MS4A6A: variants seen among roughly 807,000 people sequenced by gnomAD.
The protein encoded by MS4A6A is membrane-spanning 4-domains subfamily A member 6A.
In MS4A6A, 19 loss-of-function variants were observed where a neutral mutation model predicts 20.6. The ratio of observed to expected loss-of-function variants is 0.92; its 90% CI spans 0.64 to 1.36. The LOEUF (loss-of-function observed/expected upper bound fraction) is 1.36, where lower values mean the gene tolerates loss of function less well. Ranked by LOEUF, MS4A6A falls within the 40% of genes most tolerant of loss-of-function variation. The probability of loss-of-function intolerance (pLI) is 0.00; values close to 1 mark genes in which losing one functional copy is unlikely to be tolerated. For missense variants in MS4A6A, 272 were observed against 261.1 expected (o/e 1.04, Z -0.29); for synonymous variants, 108 against 105.0 (o/e 1.03, Z -0.17).
rs916371807 is a variant in MS4A6A at position 60,172,628 on chromosome 11, T to C, written c.*373A>G. The C allele has an allele frequency of 1.4e-5, 16 of 1,136,094 alleles. No individual in the cohort carries two copies. The highest frequency in any genetic ancestry group is 3.2e-5 in the African/African-American group (2 of 62,978). 70.4% of individuals were successfully genotyped at this position (1,136,094 alleles called of 1,614,324 possible). A position where few individuals can be genotyped will look rare whatever the true frequency, so the allele number is the denominator to read the frequency against. ...GTGTAAATGCCCTTTACCAAGTCAA[T>C]ACTATTAAAGAGACTAGTGGTTGTG... On this transcript the variant is annotated 3_prime_UTR_variant, in exon 6 of 6. Transcript: ENST00000528851.
chr11:60,184,488 A>C (rs2083870236), upstream of MS4A6A: 1 of 152,184 alleles, frequency 6.6e-6, no homozygotes, highest in Non-Finnish European at 1.5e-5. Context: ...AGGAGCAATC[A>C]CACCCCCTTT....
chr11:60,177,499 C>T (rs1174706081), intron 4 of MS4A6A: 1 of 152,122 alleles, frequency 6.6e-6, no homozygotes, highest in Non-Finnish European at 1.5e-5. Context: ...GCTTTGTCTC[C>T]CTGCCACTTC....
At chr11:60,179,541 G>A in intron 3 of MS4A6A, 1 of 581,888 alleles carries the variant, frequency 1.7e-6, no homozygotes, top group Non-Finnish European at 3.0e-6. Flanking sequence ...CTAATTCATG[G>A]ATTTTTTTTT....
chr11:60,181,938 A>G (rs1308302560), intron 1 of MS4A6A, among the ~76,000 whole-genome samples, 197 bp from the exon 2 acceptor site: 2 of 152,232 alleles, frequency 1.3e-5, no homozygotes, highest in East Asian at 3.9e-4. Flanking sequence ...GACACAGTCC[A>G]TTATAGATAA....
At chr11:60,183,424 A>G, upstream of MS4A6A, 2 of 487,132 alleles carry the variant, frequency 4.1e-6, no homozygotes, top group South Asian at 5.2e-5. Context: ...TGAAGCTTTC[A>G]ATAACATGTA....
chr11:60,172,446 A>G, downstream of MS4A6A: 1 of 1,284,948 alleles, frequency 7.8e-7, no homozygotes, highest in African/African-American at 1.5e-5. Context: ...ACAATTTTGG[A>G]TAAATCAAGG....
intron 2 of MS4A6A, 31 bp downstream of exon 2, chr11:60,181,550 C>T: frequency 6.2e-7 from 1 of 1,612,996 alleles, no homozygotes; most frequent in African/African-American, 1.3e-5. Context: ...TTCCCCCAAC[C>T]CCTCTCCAAC....
rs1565096058 is a variant in MS4A6A, at chr11:60,172,569, C to T, written c.*432G>A. The T allele has an allele frequency of 3.6e-6, 4 of 1,122,524 alleles. No homozygotes were observed. The South Asian group carries it at 8.9e-5, about 25-fold the overall frequency. 69.5% of individuals were successfully genotyped at this position (1,122,524 alleles called of 1,614,324 possible). On this transcript the variant is annotated 3_prime_UTR_variant, in exon 6 of 6. Transcript: ENST00000528851. ...ATTTTAAGATCACCAGGGGCAAATG[C>T]AGAGCATAAGACATTCACTGGATCC... is the stretch of plus-strand genomic sequence containing the variant.
chr11:60,172,605 G>A lies in MS4A6A; in HGVS notation c.*396C>T, dbSNP rs749863605. ...ACATTCACTGGATCCAGTTACGTGT[G>A]TAAATGCCCTTTACCAAGTCAATAC... is the stretch of plus-strand genomic sequence containing the variant. On this transcript the variant is annotated 3_prime_UTR_variant, in exon 6 of 6. Coordinates refer to ENST00000528851, the MANE Select transcript of MS4A6A (RefSeq NM_022349.4). 10 of 1,128,496 alleles carry A rather than the reference G, an allele frequency of 8.9e-6. No homozygotes were observed. Among genetic ancestry groups the A allele is most frequent in the Non-Finnish European group, 1.1e-5 (10 of 916,878 alleles). The allele number at this position is 1,128,496 out of a possible 1,614,324, so 69.9% of individuals were successfully genotyped here. A position where few individuals can be genotyped will look rare whatever the true frequency, so the allele number is the denominator to read the frequency against.
intron 1 of MS4A6A, chr11:60,182,243 TAGTA>T (rs1460092577): frequency 6.5e-6 from 1 of 152,964 alleles, no homozygotes; most frequent in African/African-American, 2.4e-5. Flanking sequence ...CTCTGCATGT[TAGTA>T]AGTTAGTAAA....
downstream of MS4A6A, chr11:60,172,084 GC>G: frequency 6.9e-7 from 1 of 1,440,232 alleles, no homozygotes; most frequent in Non-Finnish European, 9.5e-7. Context: ...CTCAAGCTTT[GC>G]TTTTCTATAA....
rs201705826 is a variant in MS4A6A, at chr11:60,179,870, T to G, written c.243A>C (p.Thr81=). ...TGAATGGGTAAGCAGAGTTCAACAGTGTAGAAGTCACTTGGGTAAAATTTG... is the reference window on the plus strand; with the variant it reads ...TGAATGGGTAAGCAGAGTTCAACAGGGTAGAAGTCACTTGGGTAAAATTTG... ...FSPNFTQVTS[T]LLNSAYPFIG... is the part of the protein sequence containing the mutation. Residue 81 remains threonine (T), a synonymous_variant, in exon 3 of 6, where the codon ACA becomes ACC. Coordinates refer to ENST00000528851, the MANE Select transcript of MS4A6A (RefSeq NM_022349.4). 1.9e-4 allele frequency: 314 copies of G among 1,613,936 alleles called. 1 individual carries two copies. Among genetic ancestry groups the G allele is most frequent in the Non-Finnish European group, 8.5e-5 (100 of 1,180,004 alleles).
rs767302691 is a variant in MS4A6A, at chr11:60,173,071, G to A, written c.608C>T (p.Thr203Ile). The A allele has an allele frequency of 5.6e-6, 9 of 1,614,010 alleles. No individual in the cohort carries two copies. In the East Asian group the frequency reaches 2.0e-4, roughly 36 times the overall value. Residue 203 changes from threonine to isoleucine, a missense_variant, in exon 6 of 6, where the codon ACT (threonine) becomes ATT (isoleucine). Coordinates refer to ENST00000528851, the MANE Select transcript of MS4A6A (RefSeq NM_022349.4). ...AGCCTGTTTCCACCGCAGCACAGCA[G>A]TGAGCACAGCTAGGCAGAATTCCAG... is the stretch of plus-strand genomic sequence containing the variant. The part of the protein sequence containing the change: ...TLLEFCLAVL[T>I]AVLRWKQAYS...
rs777841438 is a variant in MS4A6A, at chr11:60,181,647, G to A, written c.81C>T (p.Pro27=). The A allele has an allele frequency of 1.3e-5, 21 of 1,613,980 alleles. No individual in the cohort carries two copies. The highest frequency in any genetic ancestry group is 9.9e-5 in the South Asian group (9 of 91,086). Reference sequence around the variant, plus strand: ...TATCCTGCCCCTGGTTGGTGGGTTCGGGTTTCTCTGCTTGGGAGAAGTTGA... The same window carrying A: ...TATCCTGCCCCTGGTTGGTGGGTTCAGGTTTCTCTGCTTGGGAGAAGTTGA... ...NVINFSQAEK[P]EPTNQGQDSL... The change falls in exon 2 of 6, where the codon CCC becomes CCT. Residue 27 remains proline (P), a synonymous_variant. Transcript: ENST00000528851.
chr11:60,179,524 C>A, intron 3 of MS4A6A: 2 of 577,832 alleles, frequency 3.5e-6, no homozygotes, highest in Non-Finnish European at 6.1e-6. Flanking sequence ...TCCTTCCCAA[C>A]TTTATCCTAA....
At chr11:60,175,997 C>G (rs1231934602) in intron 4 of MS4A6A, among the ~76,000 whole-genome samples, 1 of 152,216 alleles carries the variant, frequency 6.6e-6, no homozygotes, top group Admixed American at 6.5e-5. Context: ...AACTCAAAAA[C>G]CCCTGGCGGA....
At chr11:60,180,086 A>AC (rs1188346893) in intron 2 of MS4A6A, 121 bp from the exon 3 acceptor site, 1 of 987,172 alleles carries the variant, frequency 1.0e-6, no homozygotes, top group Non-Finnish European at 1.5e-6. Context: ...GAGGATACAA[A>AC]CCCTGTGGAA....
At chr11:60,180,001 C>A in intron 2 of MS4A6A, 36 bp from the exon 3 acceptor site, 1 of 1,604,302 alleles carries the variant, frequency 6.2e-7, no homozygotes, top group East Asian at 2.2e-5. Context: ...GGATGAAAAC[C>A]AGCATTTGTA....
At chr11:60,176,453 AT>A (rs1301889614) in intron 4 of MS4A6A, among the ~76,000 whole-genome samples, 1 of 152,238 alleles carries the variant, frequency 6.6e-6, no homozygotes, top group Non-Finnish European at 1.5e-5. Flanking sequence ...AAGGGAATAG[AT>A]AAACTAACCT....
Sources: gnomAD v4.1 joint callset for allele counts (sites outside exome capture counted in the v4.1 genomes callset) on GRCh38, gnomAD v4.1.1 for gene constraint, MANE v1.5 for transcripts, NCBI Gene and HGNC (gene_info 2026-07-23, HGNC 2026-07-21) for gene names.